Variants in SRPK1 observed in about 807,000 individuals in gnomAD.
SRPK1 encodes the protein SRSF protein kinase 1, also known as SFRS protein kinase 1.
Under a neutral mutation model 89.5 loss-of-function variants are expected in SRPK1, and 52 were observed. That is an observed-to-expected ratio of 0.58 (90% CI 0.46 to 0.73). SRPK1 has a LOEUF of 0.73. Among genes scored for constraint, SRPK1 ranks in the 30% least tolerant of loss-of-function variants. The probability of loss-of-function intolerance (pLI) is 0.00; values close to 1 mark genes in which losing one functional copy is unlikely to be tolerated. For missense variants in SRPK1, 603 were observed against 780.6 expected (o/e 0.77, Z 2.71); for synonymous variants, 255 against 270.2 (o/e 0.94, Z 0.55).
intron 6 of SRPK1, among the ~76,000 whole-genome samples, chr6:35,880,735 G>GAAAAAAAAAAAAAAAAAAAAAAAAAAAGA (rs1238876364): frequency 3.7e-5 from 1 of 26,984 alleles, no homozygotes; most frequent in Admixed American, 4.6e-4. Flanking sequence ...AAAAAAAAAA[G>GAAAAAAAAAAAAAAAAAAAAAAAAAAAGA]AAAAAAAAAA....
intron 6 of SRPK1, among the ~76,000 whole-genome samples, chr6:35,880,150 C>T (rs776205937): frequency 4.2e-5 from 6 of 143,296 alleles, no homozygotes; most frequent in East Asian, 2.0e-4. Context: ...ATAAACAAAA[C>T]GGAGATATTA....
chr6:35,920,655 G>C (rs1442687956), intron 1 of SRPK1, 127 bp from the exon 2 acceptor site: 5 of 604,660 alleles, frequency 8.3e-6, no homozygotes, highest in East Asian at 5.9e-5. Flanking sequence ...TGCGGGCTCC[G>C]GCGAGGCGGC....
intron 2 of SRPK1, among the ~76,000 whole-genome samples, chr6:35,891,989 C>T (rs143779685): frequency 9.5e-4 from 144 of 152,186 alleles, no homozygotes; most frequent in African/African-American, 3.3e-3. Flanking sequence ...CAAGGCATAC[C>T]TAATCAGAAC....
In SRPK1 at chr6:35,872,747, G is replaced by C. The variant is rs1183057117; in HGVS notation, c.586-19C>G. The C allele has an allele frequency of 3.2e-6, 5 of 1,573,020 alleles. No individual in the cohort carries two copies. The East Asian group carries it at 1.2e-4, about 37-fold the overall frequency. The stretch of plus-strand genomic sequence containing the variant: ...GTAACACCTGAATGGAAATAGAGTG[G>C]CAGACTTGCAAACACAAAATACAGG... On this transcript the variant is annotated intron_variant, in intron 7 of 15. Coordinates refer to ENST00000373825, the MANE Select transcript of SRPK1 (RefSeq NM_003137.5).
chr6:35,912,521 AG>A (rs1770992536), intron 2 of SRPK1, among the ~76,000 whole-genome samples: 1 of 152,242 alleles, frequency 6.6e-6, no homozygotes, highest in Admixed American at 6.5e-5. Flanking sequence ...ACTACAGTAC[AG>A]TGCAAACATA....
At chr6:35,865,978 G>A (rs947062167) in intron 12 of SRPK1, among the ~76,000 whole-genome samples, 9 of 150,960 alleles carry the variant, frequency 6.0e-5, no homozygotes, top group Non-Finnish European at 1.2e-4. Flanking sequence ...CCCAACAGGG[G>A]ACTAACATCT....
intron 2 of SRPK1, among the ~76,000 whole-genome samples, chr6:35,911,489 A>C (rs1274430066): frequency 6.6e-6 from 1 of 152,132 alleles, no homozygotes; most frequent in East Asian, 1.9e-4. Flanking sequence ...CCAAGGTGGG[A>C]GGATGGCTTG....
Position 35,888,019 on chromosome 6 carries a change from C to G in SRPK1, c.390+5G>C. The G allele has an allele frequency of 6.3e-7, 1 of 1,592,660 alleles. No homozygotes were observed. The highest frequency in any genetic ancestry group is 8.5e-7 in the Non-Finnish European group (1 of 1,170,712). Reference sequence around the variant, plus strand: ...TCACATTCATACATATAATCTAATACTCACTGACTTCAGCAACCGGATTTC... The same window carrying G: ...TCACATTCATACATATAATCTAATAGTCACTGACTTCAGCAACCGGATTTC... On this transcript the variant is annotated splice_donor_5th_base_variant and intron_variant, in intron 5 of 15. Coordinates refer to ENST00000373825, the MANE Select transcript of SRPK1 (RefSeq NM_003137.5).
intron 2 of SRPK1, chr6:35,920,094 T>C (rs762485244): frequency 2.1e-5 from 10 of 466,422 alleles, no homozygotes; most frequent in South Asian, 4.6e-5. Context: ...AGTTAAGACG[T>C]TGGGGAGCAG....
rs944610423 is a variant in SRPK1, at chr6:35,909,611, C to T, written c.74+10857G>A. Among the ~76,000 whole-genome samples, 14 of 152,314 alleles carry T rather than the reference C, an allele frequency of 9.2e-5. No homozygotes were observed. In the South Asian group the frequency reaches 2.9e-3, roughly 32 times the overall value. On this transcript the variant is annotated intron_variant, in intron 2 of 15. Transcript: ENST00000373825. ...CCAAGAGTGAAATAATACAGTTTGG[C>T]TCTGTGTCCCCACCCAAATCTCATC... is the stretch of plus-strand genomic sequence containing the variant.
intron 2 of SRPK1, among the ~76,000 whole-genome samples, chr6:35,915,991 A>AAAAAAAAT (rs1433969114): frequency 1.2e-5 from 1 of 86,292 alleles, no homozygotes; most frequent in African/African-American, 6.4e-5. Flanking sequence ...AAAAAAAAAA[A>AAAAAAAAT]ATATATACAC....
chr6:35,886,629 C>A, intron 6 of SRPK1, 95 bp downstream of exon 6: 2 of 738,934 alleles, frequency 2.7e-6, no homozygotes, highest in Non-Finnish European at 4.8e-6. Flanking sequence ...TATAGTTTGC[C>A]TTAGAAAAGA....
chr6:35,920,003 G>GT, intron 2 of SRPK1: 1 of 450,394 alleles, frequency 2.2e-6, no homozygotes, highest in East Asian at 6.9e-5. Flanking sequence ...AAGGGAGTGT[G>GT]TGGTTGGTAG....
chr6:35,838,608 A>G lies in SRPK1; in HGVS notation c.1691-179T>C, dbSNP rs1193824088. On this transcript the variant is annotated intron_variant, in intron 14 of 15. Transcript: ENST00000373825. ...TCTATCCATCTAATGGAGAATTCAC[A>G]AAGTCAAATTTTTGTGGATTCAGTG... 29 of 1,543,488 alleles carry G rather than the reference A, an allele frequency of 1.9e-5. No individual in the cohort carries two copies. The South Asian group carries it at 2.1e-4, about 11-fold the overall frequency.
chr6:35,893,757 G>A (rs886137074), intron 2 of SRPK1, among the ~76,000 whole-genome samples: 3 of 152,002 alleles, frequency 2.0e-5, no homozygotes, highest in Admixed American at 2.0e-4. Flanking sequence ...GGCCAGGCAC[G>A]GTGGCTAATG....
intron 12 of SRPK1, among the ~76,000 whole-genome samples, chr6:35,864,659 T>A (rs1769856144): frequency 6.6e-6 from 1 of 152,192 alleles, no homozygotes; most frequent in South Asian, 2.1e-4. Context: ...AAACTAGAGC[T>A]ACCATATTAT....
chr6:35,902,272 T>TCTTGGTGG (rs1270553506), intron 2 of SRPK1, among the ~76,000 whole-genome samples: 1 of 148,702 alleles, frequency 6.7e-6, no homozygotes, highest in Non-Finnish European at 1.5e-5. Context: ...GATTAGCCAG[T>TCTTGGTGG]CTTGGTGGCA....
intron 12 of SRPK1, among the ~76,000 whole-genome samples, chr6:35,861,840 T>C (rs114953944): frequency 0.033 from 4,953 of 152,282 alleles, 257 homozygotes; most frequent in African/African-American, 0.1. Flanking sequence ...TTGCCCATGC[T>C]GTTCATTTGA....
At chr6:35,874,714 G>T (rs1476750288) in intron 6 of SRPK1, among the ~76,000 whole-genome samples, 3 of 152,164 alleles carry the variant, frequency 2.0e-5, no homozygotes, top group Non-Finnish European at 4.4e-5. Flanking sequence ...CAAAATTGGT[G>T]TCCAGGGTAA....
Sources: allele counts gnomAD v4.1 joint callset (sites outside exome capture counted in the v4.1 genomes callset), GRCh38; gene constraint gnomAD v4.1.1; transcripts MANE v1.5; gene names NCBI Gene and HGNC (gene_info 2026-07-23, HGNC 2026-07-21).